SOX5: variants seen among roughly 807,000 people sequenced by gnomAD.
SOX5 encodes SRY-box transcription factor 5.
A neutral mutation model predicts 92.0 loss-of-function variants in SOX5; 9 were observed. That is an observed-to-expected ratio of 0.10 (90% CI 0.06 to 0.17). The LOEUF (loss-of-function observed/expected upper bound fraction) is 0.17, where lower values mean the gene tolerates loss of function less well. Ranked by LOEUF, SOX5 falls within the 10% of genes least tolerant of loss-of-function variation. SOX5 has a pLI of 1.00. For missense variants in SOX5, 642 were observed against 944.5 expected, an observed-to-expected ratio of 0.68 and a Z score of 4.20; for synonymous variants, 344 against 336.3, an observed-to-expected ratio of 1.02 and a Z score of -0.25.
At chr12:23,791,425 C>T (rs1043498827) in intron 3 of SOX5, among the ~76,000 whole-genome samples, 2 of 152,158 alleles carry the variant, frequency 1.3e-5, no homozygotes, top group East Asian at 3.9e-4. Flanking sequence ...CCTCAGCACC[C>T]GGAGTAGCTG....
At chr12:24,099,766 T>C (rs144636855) in intron 4 of SOX5, among the ~76,000 whole-genome samples, 459 of 152,200 alleles carry the variant, frequency 3.0e-3, no homozygotes, top group Middle Eastern at 0.02. Flanking sequence ...TGTAAATGCA[T>C]TAGTTATGTC....
intron 4 of SOX5, chr12:24,212,454 A>T (rs1275401333): frequency 1.9e-6 from 1 of 534,180 alleles, no homozygotes; most frequent in Admixed American, 1.9e-5. Flanking sequence ...GATGTGTAGG[A>T]GCTAAGACAC....
At chr12:23,869,528 G>T (rs545588141) in intron 2 of SOX5, among the ~76,000 whole-genome samples, 83 of 151,988 alleles carry the variant, frequency 5.5e-4, no homozygotes, top group Non-Finnish European at 9.9e-4. Flanking sequence ...TTCTGAAATT[G>T]ATCTCATGCA....
intron 2 of SOX5, among the ~76,000 whole-genome samples, chr12:24,318,609 T>A (rs953424989): frequency 1.3e-5 from 2 of 152,226 alleles, no homozygotes; most frequent in Non-Finnish European, 2.9e-5. Context: ...ATGCTGACCA[T>A]CTGCCTTCTT....
intron 3 of SOX5, among the ~76,000 whole-genome samples, chr12:24,255,356 T>C (rs1940970631): frequency 6.6e-6 from 1 of 152,168 alleles, no homozygotes; most frequent in East Asian, 1.9e-4. Context: ...TTAGAAATAT[T>C]GGGTCCAACA....
chr12:24,397,465 T>C (rs1355048577), intron 1 of SOX5, among the ~76,000 whole-genome samples: 1 of 152,210 alleles, frequency 6.6e-6, no homozygotes, highest in South Asian at 2.1e-4. Context: ...TAACTATTTG[T>C]TATTATGAAG....
At chr12:23,783,270 T>G (rs1163067094) in intron 3 of SOX5, among the ~76,000 whole-genome samples, 1 of 152,174 alleles carries the variant, frequency 6.6e-6, no homozygotes, top group African/African-American at 2.4e-5. Context: ...CTTATAAATG[T>G]AATTTAATGT....
At chr12:24,299,000 G>C (rs1018815478) in intron 2 of SOX5, among the ~76,000 whole-genome samples, 1 of 152,114 alleles carries the variant, frequency 6.6e-6, no homozygotes, top group Non-Finnish European at 1.5e-5. Context: ...AAGTTTACAA[G>C]TATTGGGTCT....
chr12:24,235,440 A>T (rs1000422627), intron 3 of SOX5, among the ~76,000 whole-genome samples: 1 of 152,208 alleles, frequency 6.6e-6, no homozygotes, highest in Non-Finnish European at 1.5e-5. Flanking sequence ...TTTATTCAAA[A>T]CTAAAGAACC....
In SOX5 at chr12:24,466,320, A is replaced by G. The variant is rs1246148116; in HGVS notation, c.-251+96009T>C. Among the ~76,000 whole-genome samples the G allele has an allele frequency of 2.6e-5, 4 of 151,966 alleles. No homozygotes were observed. The South Asian group carries it at 6.2e-4, about 24-fold the overall frequency. ...GAGTGCAGTGGCACAGTTATAGCTC[A>G]TAACAGCTTTGAACTCCTGGACTCA... On this transcript the variant is annotated intron_variant, in intron 1 of 4. Coordinates refer to the SOX5 transcript ENST00000446891.
chr12:24,112,188 G>A (rs984415266), intron 4 of SOX5, among the ~76,000 whole-genome samples: 2 of 152,272 alleles, frequency 1.3e-5, no homozygotes, highest in Non-Finnish European at 2.9e-5. Context: ...AACGAGAGCC[G>A]CCCAGTGAAA....
At chr12:23,790,738 T>C (rs908663119) in intron 3 of SOX5, among the ~76,000 whole-genome samples, 2 of 152,178 alleles carry the variant, frequency 1.3e-5, no homozygotes, top group African/African-American at 4.8e-5. Context: ...TGATTGTCTT[T>C]CAGTTACAAG....
chr12:24,237,671 A>G (rs1964773861), intron 3 of SOX5, among the ~76,000 whole-genome samples: 1 of 152,198 alleles, frequency 6.6e-6, no homozygotes, highest in Admixed American at 6.5e-5. Context: ...TATTTTTCTA[A>G]ACATACATAA....
Position 24,273,838 on chromosome 12 carries a change from C to T in SOX5, c.-77+3378G>A, listed in dbSNP as rs116918976. On this transcript the variant is annotated intron_variant, in intron 3 of 4. Transcript: ENST00000446891. Reference sequence around the variant, plus strand: ...TAGGTTATAAATTTCCCAGTAAATACTTCTTATAGGCATTCTGTAATTGTT... The same window carrying T: ...TAGGTTATAAATTTCCCAGTAAATATTTCTTATAGGCATTCTGTAATTGTT... 2.0e-4 allele frequency among the ~76,000 whole-genome samples: 31 copies of T among 152,216 alleles called. No homozygotes were observed. In the East Asian group the frequency reaches 5.4e-3, roughly 27 times the overall value.
At chr12:24,470,452 A>G (rs1293191279) in intron 1 of SOX5, among the ~76,000 whole-genome samples, 3 of 152,168 alleles carry the variant, frequency 2.0e-5, no homozygotes, top group Non-Finnish European at 2.9e-5. Flanking sequence ...GGAACCTTCC[A>G]AGATAAGTGA....
intron 6 of SOX5, among the ~76,000 whole-genome samples, chr12:23,717,318 A>T (rs763723850): frequency 3.3e-5 from 5 of 152,344 alleles, no homozygotes; most frequent in Non-Finnish European, 5.9e-5. Context: ...TGTTGGTTAC[A>T]CACATTGCAA....
intron 1 of SOX5, among the ~76,000 whole-genome samples, chr12:24,461,770 A>T (rs770812100): frequency 1.3e-5 from 2 of 152,168 alleles, no homozygotes; most frequent in African/African-American, 2.4e-5. Flanking sequence ...TTTTTGAGAC[A>T]TCTTTCTCTT....
At chr12:24,376,689 CCTTTTTTTTTTT>C (rs1957300201) in intron 1 of SOX5, among the ~76,000 whole-genome samples, 1 of 93,084 alleles carries the variant, frequency 1.1e-5, no homozygotes, top group Non-Finnish European at 2.1e-5. Flanking sequence ...GGGAGAGATA[CCTTTTTTTTTTT>C]TTTTTTTTTT....
At chr12:24,274,181 C>A (rs568687055) in intron 3 of SOX5, among the ~76,000 whole-genome samples, 1 of 152,114 alleles carries the variant, frequency 6.6e-6, no homozygotes, top group Non-Finnish European at 1.5e-5. Flanking sequence ...ACCAATTTTT[C>A]TATTTTATTG....
Sources: allele counts gnomAD v4.1 joint callset (sites outside exome capture counted in the v4.1 genomes callset), GRCh38; gene constraint gnomAD v4.1.1; transcripts MANE v1.5; gene names NCBI Gene and HGNC (gene_info 2026-07-23, HGNC 2026-07-21).